Variants in RNF11 observed in about 807,000 individuals in gnomAD.
RNF11 encodes ring finger protein 11.
A neutral mutation model predicts 15.8 loss-of-function variants in RNF11; 4 were observed. That is an observed-to-expected ratio of 0.25 (90% confidence interval 0.12 to 0.58). The LOEUF is 0.58. Among genes scored for constraint, RNF11 ranks in the 20% least tolerant of loss-of-function variants. RNF11 has a pLI of 0.91. For synonymous variants in RNF11, 68 were observed against 72.3 expected (o/e 0.94, Z 0.30); for missense variants, 139 against 194.4 (o/e 0.71, Z 1.70).
intron 2 of RNF11, 44 bp from the exon 3 acceptor site, chr1:51,271,107 A>C: frequency 1.3e-6 from 2 of 1,529,262 alleles, no homozygotes; most frequent in Non-Finnish European, 9.0e-7. Context: ...TGAATAGGAC[A>C]CTTCTGAAAA....
At chr1:51,245,165 T>C (rs1414351824) in intron 1 of RNF11, among the ~76,000 whole-genome samples, 2 of 152,166 alleles carry the variant, frequency 1.3e-5, no homozygotes, top group Non-Finnish European at 2.9e-5. Context: ...GCCCAAGCCA[T>C]CCTCCCACCT....
intron 1 of RNF11, among the ~76,000 whole-genome samples, chr1:51,263,556 C>A (rs190776789): frequency 6.6e-6 from 1 of 152,194 alleles, no homozygotes; most frequent in East Asian, 1.9e-4. Context: ...TTCTCTGCTA[C>A]ATTTGGTAAT....
intron 1 of RNF11, chr1:51,251,180 G>C: frequency 6.6e-7 from 1 of 1,508,986 alleles, no homozygotes; most frequent in Non-Finnish European, 9.0e-7. Context: ...CCTTGAGAGA[G>C]GCCCCCAGGA....
At chr1:51,251,343 C>T (rs1012911396) in intron 1 of RNF11, 18 of 1,511,124 alleles carry the variant, frequency 1.2e-5, no homozygotes, top group East Asian at 4.7e-5. Flanking sequence ...TCCGCGGCCT[C>T]GGCCCCGGCC....
chr1:51,256,966 G>A (rs1221313081), intron 1 of RNF11, among the ~76,000 whole-genome samples: 1 of 152,176 alleles, frequency 6.6e-6, no homozygotes, highest in Admixed American at 6.5e-5. Flanking sequence ...GAGCCACCGT[G>A]CCTGGTCGCA....
chr1:51,268,301 A>G (rs921961421), intron 1 of RNF11, among the ~76,000 whole-genome samples: 2 of 152,192 alleles, frequency 1.3e-5, no homozygotes, highest in Non-Finnish European at 2.9e-5. Flanking sequence ...CCTTTCCTCT[A>G]TGGTTTTCTG....
chr1:51,242,051 C>A (rs555875192), intron 1 of RNF11, among the ~76,000 whole-genome samples: 1 of 152,124 alleles, frequency 6.6e-6, no homozygotes, highest in Non-Finnish European at 1.5e-5. Context: ...GTTTGAGATT[C>A]GCCAGTCTTC....
intron 1 of RNF11, among the ~76,000 whole-genome samples, chr1:51,241,320 A>G (rs1414276957): frequency 6.6e-6 from 1 of 152,216 alleles, no homozygotes; most frequent in African/African-American, 2.4e-5. Flanking sequence ...GCTGGAGGGC[A>G]GTAGCTATTC....
intron 1 of RNF11, among the ~76,000 whole-genome samples, chr1:51,238,481 G>A (rs1646815269): frequency 6.6e-6 from 1 of 152,124 alleles, no homozygotes; most frequent in Admixed American, 6.6e-5. Flanking sequence ...TGAGAACAGG[G>A]ACTCTCCCCT....
intron 1 of RNF11, 60 bp from the exon 2 acceptor site, chr1:51,269,896 A>G: frequency 4.8e-6 from 7 of 1,472,946 alleles, no homozygotes; most frequent in Non-Finnish European, 6.5e-6. Flanking sequence ...CTGACCAAAA[A>G]ATAAGCCCTC....
chr1:51,264,304 A>ATATG (rs1553169457), intron 1 of RNF11, among the ~76,000 whole-genome samples: 4 of 110,728 alleles, frequency 3.6e-5, no homozygotes, highest in Non-Finnish European at 6.9e-5. Flanking sequence ...ATATATATAT[A>ATATG]TATATATATA....
At chr1:51,258,239 A>G (rs1255717808) in intron 1 of RNF11, among the ~76,000 whole-genome samples, 1 of 152,220 alleles carries the variant, frequency 6.6e-6, no homozygotes, top group Non-Finnish European at 1.5e-5. Flanking sequence ...TTTTCCATAT[A>G]GTATTTTCAG....
intron 1 of RNF11, among the ~76,000 whole-genome samples, chr1:51,268,388 CA>C (rs1472020010): frequency 1.3e-5 from 2 of 151,832 alleles, no homozygotes; most frequent in Non-Finnish European, 2.9e-5. Flanking sequence ...TTTGTTTTAA[CA>C]AAAAAATACC....
At chr1:51,251,905 C>T (rs1047609848) in intron 1 of RNF11, among the ~76,000 whole-genome samples, 3 of 151,812 alleles carry the variant, frequency 2.0e-5, no homozygotes, top group African/African-American at 7.3e-5. Flanking sequence ...ATGGTGAAAC[C>T]CTGTTTCTAC....
chr1:51,272,879 T>G lies in RNF11; in HGVS notation c.*1557T>G, dbSNP rs1261044484. The G allele has an allele frequency of 6.6e-6, 1 of 152,158 alleles. No homozygotes were observed. Among genetic ancestry groups the G allele is most frequent in the Non-Finnish European group, 1.5e-5 (1 of 67,982 alleles). The allele number at this position is 152,158 out of a possible 1,614,324, so 9.4% of individuals were successfully genotyped here. The stretch of plus-strand genomic sequence containing the variant: ...TATTCATAATTGCATTATAGAGGAA[T>G]GTAGTATGTCATAAGTACTTTGTAA... On this transcript the variant is annotated 3_prime_UTR_variant, in exon 3 of 3. Coordinates refer to ENST00000242719, the MANE Select transcript of RNF11 (RefSeq NM_014372.5).
Position 51,271,127 on chromosome 1 carries a change from A to T in RNF11, c.294-24A>T, listed in dbSNP as rs556042817. 381 of 1,601,814 alleles carry T rather than the reference A, an allele frequency of 2.4e-4. 7 individuals are homozygous for T. In the South Asian group the frequency reaches 3.7e-3, roughly 16 times the overall value. On this transcript the variant is annotated intron_variant, in intron 2 of 2. Coordinates refer to ENST00000242719, the MANE Select transcript of RNF11 (RefSeq NM_014372.5). The stretch of plus-strand genomic sequence containing the variant: ...AGGACACTTCTGAAAATGCCTTCTG[A>T]TTTCTCTCCATTGCTCTCAACAGGT...
rs143758575 is a variant in RNF11, at chr1:51,239,210, A to G, written c.123+2331A>G. Among the ~76,000 whole-genome samples the G allele has an allele frequency of 2.0e-3, 309 of 152,094 alleles. 3 individuals carry two copies. The highest frequency in any genetic ancestry group is 7.2e-3 in the African/African-American group (299 of 41,472). On this transcript the variant is annotated intron_variant, in intron 1 of 2. Coordinates refer to ENST00000242719, the MANE Select transcript of RNF11 (RefSeq NM_014372.5). Reference sequence around the variant, plus strand: ...ATCTTTGACTTGTTCTCTTTCTCCTATCCTTATGATAATTGTACTATTAAA... The same window carrying G: ...ATCTTTGACTTGTTCTCTTTCTCCTGTCCTTATGATAATTGTACTATTAAA...
At chr1:51,250,824 A>T in intron 1 of RNF11, 3 of 1,397,390 alleles carry the variant, frequency 2.1e-6, no homozygotes, top group Non-Finnish European at 3.0e-6. Flanking sequence ...GCAGTCATCG[A>T]TACCAGCCAT....
intron 1 of RNF11, among the ~76,000 whole-genome samples, chr1:51,267,249 A>G (rs1646958777): frequency 6.6e-6 from 1 of 152,156 alleles, no homozygotes; most frequent in Non-Finnish European, 1.5e-5. Flanking sequence ...TAATCAAAAT[A>G]TTTATTTATT....
Sources: allele counts gnomAD v4.1 joint callset (sites outside exome capture counted in the v4.1 genomes callset), GRCh38; gene constraint gnomAD v4.1.1; transcripts MANE v1.5; gene names NCBI Gene and HGNC (gene_info 2026-07-23, HGNC 2026-07-21).